Variants in RASGRF1 observed in about 807,000 individuals in gnomAD.
RASGRF1 encodes the protein ras-specific guanine nucleotide-releasing factor 1.
A neutral mutation model predicts 138.7 loss-of-function variants in RASGRF1; 40 were observed. The ratio of observed to expected loss-of-function variants is 0.29; its 90% CI spans 0.22 to 0.38. The LOEUF is 0.38. Among genes scored for constraint, RASGRF1 ranks in the 10% least tolerant of loss-of-function variants. The pLI is 1.00. For missense variants in RASGRF1, 1,108 were observed against 1,650.4 expected, an observed-to-expected ratio of 0.67 and a Z score of 5.69; for synonymous variants, 614 against 663.2, an observed-to-expected ratio of 0.93 and a Z score of 1.14.
At position 78,998,864 on chromosome 15, in the gene RASGRF1, AG is replaced by A. The variant is rs768978268; in HGVS notation, c.2747-40del. 4 of 1,523,192 alleles carry A rather than the reference AG, an allele frequency of 2.6e-6. No homozygotes were observed. In the South Asian group the frequency reaches 4.5e-5, roughly 17 times the overall value. The allele number at this position is 1,523,192 out of a possible 1,614,324, so 94.4% of individuals were successfully genotyped here. The stretch of plus-strand genomic sequence containing the variant: ...TGGCAGAGGGGAGAGAGGACAGGTG[AG>A]GACAAGAAACAGAGCTTGACACTAG... On this transcript the variant is annotated intron_variant, in intron 17 of 26. Transcript: ENST00000558480.
chr15:78,995,608 C>T (rs1478669801), intron 20 of RASGRF1, 132 bp downstream of exon 20: 21 of 1,135,434 alleles, frequency 1.8e-5, no homozygotes, highest in Middle Eastern at 2.0e-4. Flanking sequence ...TGTTTTAAGC[C>T]GCCCAGTTTG....
Position 79,004,120 on chromosome 15 carries a change from G to C in RASGRF1, c.2131C>G (p.Pro711Ala), listed in dbSNP as rs2056614527. 1.2e-6 allele frequency: 2 copies of C among 1,612,902 alleles called. No homozygotes were observed. The highest frequency in any genetic ancestry group is 1.3e-5 in the African/African-American group (1 of 74,934). Reference protein sequence around the residue: ...GQNNKLLYGEPPKSPRATRKF... With the variant: ...GQNNKLLYGEAPKSPRATRKF... ...CGGGTGGCGCGCGGGGACTTGGGGG[G>C]TTCACCGTACAGGAGCTTATTGTTC... The change falls in exon 15 of 27, where the codon CCC (proline) becomes GCC (alanine). Residue 711 changes from proline (P) to alanine (A), a missense_variant. Physicochemically the swap from Pro to Ala is conservative, Grantham distance 27. Coordinates refer to ENST00000558480, the MANE Select transcript of RASGRF1 (RefSeq NM_001145648.3).
At chr15:79,060,449 G>A (rs953665911) in intron 2 of RASGRF1, among the ~76,000 whole-genome samples, 2 of 152,232 alleles carry the variant, frequency 1.3e-5, no homozygotes, top group African/African-American at 4.8e-5. Flanking sequence ...ATCACCAGCT[G>A]CTCCTTTATT....
Position 79,006,765 on chromosome 15 carries a change from A to G in RASGRF1, c.1827-331T>C, listed in dbSNP as rs1309275356. Among the ~76,000 whole-genome samples, 1 of 152,246 alleles carries G rather than the reference A, an allele frequency of 6.6e-6. No individual in the cohort carries two copies. The highest frequency in any genetic ancestry group is 1.5e-5 in the Non-Finnish European group (1 of 68,038). On this transcript the variant is annotated intron_variant, in intron 13 of 26. Coordinates refer to ENST00000558480, the MANE Select transcript of RASGRF1 (RefSeq NM_001145648.3). The surrounding 1 kb of genome is among the most constrained non-coding windows in gnomAD (Gnocchi z 4.0). ...AGTGGCTCACGCCTGTAATCCCAGC[A>G]CTTTGGGAGGCTGAGGTGGGAGGAT...
At chr15:78,963,777 C>A (rs554164870) in intron 26 of RASGRF1, among the ~76,000 whole-genome samples, 1 of 152,152 alleles carries the variant, frequency 6.6e-6, no homozygotes, top group Non-Finnish European at 1.5e-5. Flanking sequence ...CAGCTCGTTC[C>A]CAGCACTTCT....
intron 24 of RASGRF1, among the ~76,000 whole-genome samples, chr15:78,976,516 T>C (rs1441864613): frequency 6.6e-6 from 1 of 151,870 alleles, no homozygotes; most frequent in Non-Finnish European, 1.5e-5. Context: ...GCTTGCTCTA[T>C]AGTGAGGGGC....
chr15:79,045,162 C>G (rs1247110384), intron 5 of RASGRF1, among the ~76,000 whole-genome samples: 1 of 152,180 alleles, frequency 6.6e-6, no homozygotes, highest in Admixed American at 6.5e-5. Flanking sequence ...TCAAGCCTCC[C>G]ATTTTGGTGC....
rs746691290 is a variant in RASGRF1 at position 79,027,801 on chromosome 15, G to A, written c.1321C>T (p.Arg441Cys). 16 of 1,614,086 alleles carry A rather than the reference G, an allele frequency of 9.9e-6. No individual in the cohort carries two copies. The highest frequency in any genetic ancestry group is 1.3e-5 in the Non-Finnish European group (15 of 1,180,060). ...ATCTCACAGCCTTCGATGATCATGCGCTCGATGGCCAGGTTTTTCCGGATG... is the reference window on the plus strand; with the variant it reads ...ATCTCACAGCCTTCGATGATCATGCACTCGATGGCCAGGTTTTTCCGGATG... ...ENIRKNLAIE[R>C]MIIEGCEILL... Residue 441 changes from arginine to cysteine, a missense_variant, in exon 9 of 27, where the codon CGC (arginine) becomes TGC (cysteine). Physicochemically the swap from Arg to Cys is radical, Grantham distance 180. This residue lies in a region of RASGRF1 where 169 missense variants were observed against 344.2 expected (regional missense o/e 0.49). Transcript: ENST00000558480. The surrounding 1 kb of genome is among the most constrained non-coding windows in gnomAD (Gnocchi z 4.8).
rs1219495943 is a variant in RASGRF1, at chr15:79,006,474, A to C, written c.1827-40T>G. The C allele has an allele frequency of 1.3e-6, 2 of 1,585,514 alleles. No homozygotes were observed. The highest frequency in any genetic ancestry group is 1.7e-6 in the Non-Finnish European group (2 of 1,168,526). On this transcript the variant is annotated intron_variant, in intron 13 of 26. Transcript: ENST00000558480. The surrounding 1 kb of genome is among the most constrained non-coding windows in gnomAD (Gnocchi z 4.0). The stretch of plus-strand genomic sequence containing the variant: ...AGGATGCAGAGGTGATGTGGGTCTA[A>C]AGGCATCTGAATGGCACCCACCAGG...
At chr15:79,049,927 G>T (rs1219746407) in intron 3 of RASGRF1, among the ~76,000 whole-genome samples, 1 of 152,126 alleles carries the variant, frequency 6.6e-6, no homozygotes, top group East Asian at 1.9e-4. Flanking sequence ...TAAATCTGTG[G>T]TTCTCCTCCC....
At chr15:78,984,136 G>A (rs1034105236) in intron 23 of RASGRF1, among the ~76,000 whole-genome samples, 25 of 152,170 alleles carry the variant, frequency 1.6e-4, no homozygotes, top group Non-Finnish European at 3.1e-4. Flanking sequence ...CAGTATGCAA[G>A]TCCAGAGTGG....
chr15:79,063,473 T>C (rs1314094845), intron 2 of RASGRF1, among the ~76,000 whole-genome samples: 1 of 152,244 alleles, frequency 6.6e-6, no homozygotes, highest in African/African-American at 2.4e-5. Flanking sequence ...GTATCATCCA[T>C]GTATCCTGCA....
At chr15:78,964,583 G>A (rs1169841742) in intron 26 of RASGRF1, among the ~76,000 whole-genome samples, 7 of 152,264 alleles carry the variant, frequency 4.6e-5, no homozygotes, top group Non-Finnish European at 1.0e-4. Context: ...AGGGCCCAGT[G>A]TGACCACGGT....
rs1276259191 is a variant in RASGRF1, at chr15:79,012,000, A to T, written c.1826+3327T>A. Among the ~76,000 whole-genome samples, 3 of 151,760 alleles carry T rather than the reference A, an allele frequency of 2.0e-5. No individual in the cohort carries two copies. In the East Asian group the frequency reaches 5.8e-4, roughly 29 times the overall value. On this transcript the variant is annotated intron_variant, in intron 13 of 26. Transcript: ENST00000558480. ...GACTGCACTCCAGCCTGGGTGACAGAGCGAGACCCTGTCTCAAAGAAAAAA... is the reference window on the plus strand; with the variant it reads ...GACTGCACTCCAGCCTGGGTGACAGTGCGAGACCCTGTCTCAAAGAAAAAA...
chr15:79,090,528 G>A lies in RASGRF1; in HGVS notation c.-30C>T. On this transcript the variant is annotated 5_prime_UTR_variant, in exon 1 of 27. Coordinates refer to ENST00000558480, the MANE Select transcript of RASGRF1 (RefSeq NM_001145648.3). ...CTCAGAGGCCAGCGAGACCCCACGC[G>A]CTTACATCTTCTCCGCGCAGCAGCC... is the stretch of plus-strand genomic sequence containing the variant. 6.2e-6 allele frequency: 10 copies of A among 1,600,190 alleles called. No individual in the cohort carries two copies. The highest frequency in any genetic ancestry group is 3.3e-5 in the South Asian group (3 of 90,868).
intron 20 of RASGRF1, among the ~76,000 whole-genome samples, chr15:78,993,551 CG>C (rs1555452999): frequency 6.6e-6 from 1 of 151,992 alleles, no homozygotes; most frequent in Non-Finnish European, 1.5e-5. Context: ...ACTGGGATGC[CG>C]GGTTGTAGTG....
intron 26 of RASGRF1, among the ~76,000 whole-genome samples, chr15:78,968,905 G>A (rs936589655): frequency 6.6e-6 from 1 of 152,174 alleles, no homozygotes; most frequent in African/African-American, 2.4e-5. Flanking sequence ...GTCTTTGGCC[G>A]GACTTTAATA....
intron 17 of RASGRF1, among the ~76,000 whole-genome samples, chr15:78,999,444 T>A (rs1481827902): frequency 1.3e-5 from 2 of 152,014 alleles, no homozygotes; most frequent in African/African-American, 4.8e-5. Flanking sequence ...AGGCCCTGGG[T>A]GTGTGCAGAG....
intron 3 of RASGRF1, among the ~76,000 whole-genome samples, chr15:79,052,641 G>C (rs967738074): frequency 2.6e-5 from 4 of 152,240 alleles, no homozygotes; most frequent in African/African-American, 4.8e-5. Context: ...CCACTGCCAT[G>C]GGAGAGCCTT....
Sources: gnomAD v4.1 joint callset for allele counts (sites outside exome capture counted in the v4.1 genomes callset) on GRCh38, gnomAD v4.1.1 for gene constraint, gnomAD v4.1.1 regional missense constraint, Gnocchi (gnomAD v3.1) non-coding constraint, MANE v1.5 for transcripts, NCBI Gene and HGNC (gene_info 2026-07-23, HGNC 2026-07-21) for gene names.